Variants in NGEF observed in about 807,000 individuals in gnomAD.
NGEF encodes neuronal guanine nucleotide exchange factor, also known as ephexin-1.
A neutral mutation model predicts 80.9 loss-of-function variants in NGEF; 31 were observed. The observed-to-expected ratio is 0.38, with a 90% CI of 0.29 to 0.52. The LOEUF is 0.52. Among genes scored for constraint, NGEF ranks in the 20% least tolerant of loss-of-function variants. The probability of loss-of-function intolerance (pLI) is 0.84; values close to 1 mark genes in which losing one functional copy is unlikely to be tolerated. For missense variants in NGEF, 709 were observed against 926.2 expected (o/e 0.77, Z 3.04); for synonymous variants, 371 against 370.2 (o/e 1.00, Z -0.03).
At chr2:232,972,744 CTTTTTTTTT>C (rs61594239) in intron 2 of NGEF, among the ~76,000 whole-genome samples, 4 of 123,384 alleles carry the variant, frequency 3.2e-5, no homozygotes, top group East Asian at 4.5e-4. Context: ...TGTCCTTATC[CTTTTTTTTT>C]TTTTTTTTTT....
chr2:233,011,910 G>C (rs1695215464), intron 1 of NGEF, among the ~76,000 whole-genome samples: 1 of 152,174 alleles, frequency 6.6e-6, no homozygotes, highest in African/African-American at 2.4e-5. Context: ...TTGGGCTCCA[G>C]AAAGGGATGT....
intron 4 of NGEF, among the ~76,000 whole-genome samples, chr2:232,923,606 G>T (rs547181960): frequency 6.6e-6 from 1 of 152,070 alleles, no homozygotes; most frequent in Non-Finnish European, 1.5e-5. Flanking sequence ...GTGGTAGCAG[G>T]TGCCTGTAAT....
At chr2:232,899,806 GCT>G (rs1415081101) in intron 5 of NGEF, among the ~76,000 whole-genome samples, 5 of 72,724 alleles carry the variant, frequency 6.9e-5, no homozygotes, top group South Asian at 5.1e-4. Context: ...TCACACACAC[GCT>G]CTCAGTCACT....
intron 3 of NGEF, among the ~76,000 whole-genome samples, chr2:232,951,065 C>CT (rs1693670639): frequency 6.6e-6 from 1 of 152,156 alleles, no homozygotes; most frequent in African/African-American, 2.4e-5. Flanking sequence ...AGTGGGCTGC[C>CT]TTAGAGGCCG....
chr2:232,905,313 G>A (rs1279012082), intron 5 of NGEF, among the ~76,000 whole-genome samples: 3 of 152,232 alleles, frequency 2.0e-5, no homozygotes, highest in South Asian at 2.1e-4. Flanking sequence ...TGTGTTGGCC[G>A]GGCTGGTCTC....
At chr2:232,998,669 T>C (rs936123366) in intron 1 of NGEF, among the ~76,000 whole-genome samples, 1 of 152,082 alleles carries the variant, frequency 6.6e-6, no homozygotes, top group African/African-American at 2.4e-5. Context: ...GTGGCAGGTG[T>C]CTTTCCCACA....
chr2:232,906,339 G>GTGTACCCAACA (rs1692535536), intron 5 of NGEF, among the ~76,000 whole-genome samples: 2 of 44,416 alleles, frequency 4.5e-5, no homozygotes, highest in Admixed American at 4.2e-4. Context: ...CGTGTGGGAG[G>GTGTACCCAACA]GAGGTGGGGG....
intron 3 of NGEF, among the ~76,000 whole-genome samples, chr2:232,941,916 T>G (rs1384129878): frequency 6.8e-6 from 1 of 146,798 alleles, no homozygotes; most frequent in African/African-American, 2.6e-5. Flanking sequence ...GATATTCTAA[T>G]CTTCCTGGTT....
chr2:232,999,200 C>T (rs925210341), intron 1 of NGEF, among the ~76,000 whole-genome samples: 1 of 152,184 alleles, frequency 6.6e-6, no homozygotes, highest in African/African-American at 2.4e-5. Context: ...GCAATCCTCC[C>T]AGGCTGCCCT....
chr2:232,989,703 T>C (rs571016431), intron 1 of NGEF, among the ~76,000 whole-genome samples: 1 of 152,198 alleles, frequency 6.6e-6, no homozygotes, highest in East Asian at 1.9e-4. Flanking sequence ...CTGTTTTATA[T>C]GTATACTTTC....
chr2:232,924,996 C>T (rs1693030584), intron 4 of NGEF, among the ~76,000 whole-genome samples: 2 of 152,138 alleles, frequency 1.3e-5, no homozygotes, highest in South Asian at 4.1e-4. Context: ...GTTTTCTTTA[C>T]CTGACGAACT....
intron 13 of NGEF, among the ~76,000 whole-genome samples, 171 bp from the exon 14 acceptor site, chr2:232,881,421 A>G (rs1691502140): frequency 6.6e-6 from 1 of 152,196 alleles, no homozygotes; most frequent in Non-Finnish European, 1.5e-5. Context: ...TTATTAACAT[A>G]GCCAGGAGTT....
intron 8 of NGEF, among the ~76,000 whole-genome samples, 190 bp from the exon 9 acceptor site, chr2:232,888,297 C>T (rs191013463): frequency 1.6e-4 from 24 of 151,796 alleles, no homozygotes; most frequent in African/African-American, 4.3e-4. Context: ...TGTGCACACA[C>T]GTGCATACAT....
At chr2:232,879,737 G>A (rs1327778232) in intron 14 of NGEF, 58 bp from the exon 15 acceptor site, 1 of 1,535,488 alleles carries the variant, frequency 6.5e-7, no homozygotes, top group African/African-American at 1.4e-5. Context: ...AGGCTGCACA[G>A]AGGCTCCCTC....
intron 1 of NGEF, among the ~76,000 whole-genome samples, chr2:232,975,376 G>T (rs1694269908): frequency 6.6e-6 from 1 of 152,176 alleles, no homozygotes; most frequent in Non-Finnish European, 1.5e-5. Flanking sequence ...CTGGTGCAAG[G>T]TCTCACAATG....
In NGEF at chr2:232,929,189, C is replaced by T. The variant is rs542976130; in HGVS notation, c.384-2003G>A. Among the ~76,000 whole-genome samples the T allele has an allele frequency of 3.1e-3, 472 of 152,318 alleles. 2 individuals are homozygous for T. Among genetic ancestry groups the T allele is most frequent in the South Asian group, 7.3e-3 (35 of 4,822 alleles). Reference sequence around the variant, plus strand: ...GCAGGGGTGGAGTGCGGAGCATAGTCCCCCGCACGCTCCAACCCACCCGGC... The same window carrying T: ...GCAGGGGTGGAGTGCGGAGCATAGTTCCCCGCACGCTCCAACCCACCCGGC... On this transcript the variant is annotated intron_variant, in intron 3 of 14. Coordinates refer to ENST00000264051, the MANE Select transcript of NGEF (RefSeq NM_019850.3).
chr2:232,882,262 A>G lies in NGEF; in HGVS notation c.1761T>C (p.Ser587=), dbSNP rs1464370402. The change falls in exon 13 of 15, where the codon AGT becomes AGC. Residue 587 remains serine (S), a synonymous_variant. Transcript: ENST00000264051. ...ATYMLKASSQ[S]EMKRWMTSLA... is the part of the protein sequence containing the mutation. ...GTGAGGTCATCCAACGCTTCATCTC[A>G]CTCCTGGCACAGGGAAGAGGACAGT... The G allele has an allele frequency of 1.9e-6, 3 of 1,601,936 alleles. No individual in the cohort carries two copies. The highest frequency in any genetic ancestry group is 4.5e-5 in the East Asian group (2 of 44,764).
chr2:232,886,312 T>G (rs1691690783), intron 9 of NGEF, among the ~76,000 whole-genome samples: 1 of 151,254 alleles, frequency 6.6e-6, no homozygotes, highest in African/African-American at 2.4e-5. Flanking sequence ...CTGTGTGTGG[T>G]ATGTGCTGTG....
Position 232,888,072 on chromosome 2 carries a change from C to G in NGEF, c.1308G>C (p.Arg436=). The G allele has an allele frequency of 6.2e-7, 1 of 1,613,106 alleles. No individual in the cohort carries two copies. Among genetic ancestry groups the G allele is most frequent in the Non-Finnish European group, 8.5e-7 (1 of 1,179,720 alleles). Residue 436 remains arginine, a synonymous_variant, in exon 9 of 15, where the codon CGG becomes CGC. Coordinates refer to ENST00000264051, the MANE Select transcript of NGEF (RefSeq NM_019850.3). Reference sequence around the variant, plus strand: ...TGTGAGCATCCAAAGCAGTGCACTCCCGCTCAGACCTCTCTTCTACCCTCT... The same window carrying G: ...TGTGAGCATCCAAAGCAGTGCACTCGCGCTCAGACCTCTCTTCTACCCTCT... ...ILKRVEERSE[R]ECTALDAHKE...
Sources: gnomAD v4.1 joint callset for allele counts (sites outside exome capture counted in the v4.1 genomes callset) on GRCh38, gnomAD v4.1.1 for gene constraint, MANE v1.5 for transcripts, NCBI Gene and HGNC (gene_info 2026-07-23, HGNC 2026-07-21) for gene names.